LRPPRC: variants seen among roughly 807,000 people sequenced by gnomAD.
LRPPRC encodes the protein leucine-rich PPR motif-containing protein, mitochondrial.
LRPPRC carries 120 observed loss-of-function variants against 180.3 expected under a neutral mutation model. The observed-to-expected ratio is 0.67, with a 90% CI of 0.57 to 0.77. The LOEUF is 0.77. LRPPRC is among the 30% of genes least tolerant of loss of function. The probability of loss-of-function intolerance (pLI) is 0.00; values close to 1 mark genes in which losing one functional copy is unlikely to be tolerated. For synonymous variants in LRPPRC, 723 were observed against 600.0 expected (o/e 1.21, Z -3.00); for missense variants, 2,012 against 1,657.2 (o/e 1.21, Z -3.72).
At chr2:43,962,326 T>C (rs956153862) in intron 12 of LRPPRC, among the ~76,000 whole-genome samples, 2 of 152,134 alleles carry the variant, frequency 1.3e-5, no homozygotes, top group African/African-American at 4.8e-5. Context: ...ACTAAGAACT[T>C]AGGGAAAGAG....
chr2:43,982,454 T>A lies in LRPPRC; in HGVS notation c.150-20A>T. On this transcript the variant is annotated intron_variant, in intron 1 of 37. Transcript: ENST00000260665. ...AGTCCTCTAAAAAATGAAACATAAT[T>A]AATAATAATCAGTTGCTATCTATTT... is the stretch of plus-strand genomic sequence containing the variant. The A allele has an allele frequency of 6.4e-7, 1 of 1,570,658 alleles. No homozygotes were observed. Among genetic ancestry groups the A allele is most frequent in the Non-Finnish European group, 8.8e-7 (1 of 1,140,850 alleles).
At chr2:43,908,475 CA>C (rs1220866815) in intron 30 of LRPPRC, among the ~76,000 whole-genome samples, 1 of 151,864 alleles carries the variant, frequency 6.6e-6, no homozygotes, top group Non-Finnish European at 1.5e-5. Context: ...ATCTGTAACA[CA>C]TTAGATGACA....
At chr2:43,929,301 G>A (rs12712900) in intron 25 of LRPPRC, among the ~76,000 whole-genome samples, 92,142 of 152,038 alleles carry the variant, frequency 0.61, 29,253 homozygotes, top group East Asian at 0.95. Context: ...AATAAGTACT[G>A]TAGGGAATTT....
chr2:43,968,284 A>T (rs549393774), intron 11 of LRPPRC, among the ~76,000 whole-genome samples: 1 of 152,338 alleles, frequency 6.6e-6, no homozygotes, highest in South Asian at 2.1e-4. Flanking sequence ...TCCTTTGCTA[A>T]ATCTTTCTAA....
intron 1 of LRPPRC, among the ~76,000 whole-genome samples, chr2:43,982,872 T>G (rs1449386530): frequency 6.6e-6 from 1 of 152,024 alleles, no homozygotes; most frequent in Non-Finnish European, 1.5e-5. Flanking sequence ...TTAAGTTTTC[T>G]AGGTATAAGC....
At chr2:43,953,299 T>C (rs2103634331) in intron 14 of LRPPRC, among the ~76,000 whole-genome samples, 1 of 152,320 alleles carries the variant, frequency 6.6e-6, no homozygotes, top group South Asian at 2.1e-4. Context: ...CACATATTCT[T>C]ATGAAAAATG....
rs760713933 is a variant in LRPPRC at position 43,947,714 on chromosome 2, G to A, written c.1965+17C>T. ...TGGGTATTATAGCATGTAGAATCTA[G>A]TCAAAATCCTACTTACTTTTTGAAA... On this transcript the variant is annotated intron_variant, in intron 19 of 37. Transcript: ENST00000260665. 3 of 1,461,154 alleles carry A rather than the reference G, an allele frequency of 2.1e-6. No homozygotes were observed. The highest frequency in any genetic ancestry group is 2.3e-5 in the South Asian group (2 of 87,734). The allele number at this position is 1,461,154 out of a possible 1,614,324, so 90.5% of individuals were successfully genotyped here.
chr2:43,930,505 C>T (rs975880586), intron 25 of LRPPRC, among the ~76,000 whole-genome samples: 2 of 152,118 alleles, frequency 1.3e-5, no homozygotes, highest in African/African-American at 4.8e-5. Context: ...ATCCCAAATT[C>T]GAAAATCCAA....
At chr2:43,909,304 G>C (rs1671171995) in intron 30 of LRPPRC, among the ~76,000 whole-genome samples, 1 of 152,090 alleles carries the variant, frequency 6.6e-6, no homozygotes, top group East Asian at 1.9e-4. Flanking sequence ...TGGATCTTGG[G>C]TTCTCTTGGG....
rs899807482 is a variant in LRPPRC, at chr2:43,986,541, A to G, written c.150-4107T>C. On this transcript the variant is annotated intron_variant, in intron 1 of 37. Coordinates refer to ENST00000260665, the MANE Select transcript of LRPPRC (RefSeq NM_133259.4). ...AGAGTTTAAAGGTAGATACAGGTAG[A>G]AGACAGAAGAGGCATTATTAATAGC... Among the ~76,000 whole-genome samples, 39 of 152,188 alleles carry G rather than the reference A, an allele frequency of 2.6e-4. 1 individual carries two copies. Among genetic ancestry groups the G allele is most frequent in the African/African-American group, 8.7e-4 (36 of 41,450 alleles).
chr2:43,947,292 G>C lies in LRPPRC; in HGVS notation c.2044C>G (p.Leu682Val), dbSNP rs1382860898. 1 of 1,601,342 alleles carries C rather than the reference G, an allele frequency of 6.2e-7. No homozygotes were observed. The highest frequency in any genetic ancestry group is 8.5e-7 in the Non-Finnish European group (1 of 1,169,832). The stretch of plus-strand genomic sequence containing the variant: ...CAAAGCACTAATATGAGTTGCTTTA[G>C]GACATCTCTTATAGGTTGATTTTCA... Reference protein sequence around the residue: ...KAENQPIRDVLKQLILVLCSE... With the variant: ...KAENQPIRDVVKQLILVLCSE... The change falls in exon 20 of 38, where the codon CTA becomes GTA. Residue 682 changes from leucine to valine, a missense_variant. Coordinates refer to ENST00000260665, the MANE Select transcript of LRPPRC (RefSeq NM_133259.4).
chr2:43,965,981 T>A (rs1007242608), intron 11 of LRPPRC, among the ~76,000 whole-genome samples: 2 of 152,160 alleles, frequency 1.3e-5, no homozygotes, highest in Admixed American at 6.5e-5. Context: ...TGAGCATATG[T>A]CCAAAGGAAA....
chr2:43,890,306 G>A, intron 36 of LRPPRC: 2 of 466,554 alleles, frequency 4.3e-6, no homozygotes, highest in Non-Finnish European at 8.8e-6. Context: ...CAATTATGTA[G>A]AAATCTACAT....
chr2:43,896,391 G>A (rs1446188979), intron 35 of LRPPRC: 5 of 395,514 alleles, frequency 1.3e-5, no homozygotes, highest in East Asian at 1.1e-4. Flanking sequence ...TTTTTTAAGG[G>A]CCTTTTCTTG....
intron 27 of LRPPRC, among the ~76,000 whole-genome samples, chr2:43,918,999 G>C (rs996872643): frequency 6.6e-6 from 1 of 151,974 alleles, no homozygotes; most frequent in Non-Finnish European, 1.5e-5. Flanking sequence ...AAAGGCTACA[G>C]GTACTGGTCC....
intron 11 of LRPPRC, among the ~76,000 whole-genome samples, chr2:43,965,615 A>T (rs552677191): frequency 1.3e-5 from 2 of 152,348 alleles, no homozygotes; most frequent in South Asian, 4.1e-4. Flanking sequence ...CACGTATCTG[A>T]TAAGGGGCTA....
At chr2:43,908,435 ATTG>A (rs1671136780) in intron 30 of LRPPRC, among the ~76,000 whole-genome samples, 1 of 152,224 alleles carries the variant, frequency 6.6e-6, no homozygotes. Flanking sequence ...TGTAAATAAA[ATTG>A]AAGAAATCTT....
Position 43,987,473 on chromosome 2 carries a change from C to T in LRPPRC, c.150-5039G>A, listed in dbSNP as rs150248843. Among the ~76,000 whole-genome samples, 5 of 122,894 alleles carry T rather than the reference C, an allele frequency of 4.1e-5. No homozygotes were observed. In the East Asian group the frequency reaches 6.4e-4, roughly 16 times the overall value. 80.6% of individuals were successfully genotyped at this position (122,894 alleles called of 152,430 possible). A position where few individuals can be genotyped will look rare whatever the true frequency, so the allele number is the denominator to read the frequency against. On this transcript the variant is annotated intron_variant, in intron 1 of 37. Coordinates refer to ENST00000260665, the MANE Select transcript of LRPPRC (RefSeq NM_133259.4). The stretch of plus-strand genomic sequence containing the variant: ...TAGCGTCACTGCACTCCAGGCCGGG[C>T]GACAGAGCCAGACTCCTCAAAAAAA...
intron 29 of LRPPRC, among the ~76,000 whole-genome samples, chr2:43,915,275 C>T (rs1336012621): frequency 1.4e-5 from 2 of 140,904 alleles, no homozygotes; most frequent in African/African-American, 5.4e-5. Flanking sequence ...CACACACACA[C>T]ACAAGTTCAT....
Sources: gnomAD v4.1 joint callset for allele counts (sites outside exome capture counted in the v4.1 genomes callset) on GRCh38, gnomAD v4.1.1 for gene constraint, MANE v1.5 for transcripts, NCBI Gene and HGNC (gene_info 2026-07-23, HGNC 2026-07-21) for gene names.